The following NINL variants were observed in gnomAD, a reference collection of about 807,000 sequenced individuals.
NINL encodes the protein ninein like.
In NINL, 153 loss-of-function variants were observed where a neutral mutation model predicts 160.3. The ratio of observed to expected loss-of-function variants is 0.95; its 90% CI spans 0.84 to 1.09. The LOEUF is 1.09. Ranked by LOEUF, NINL falls within the 50% of genes least tolerant of loss-of-function variation. NINL has a pLI of 0.00. For missense variants in NINL, 1,829 were observed against 1,764.0 expected (o/e 1.04, Z -0.66); for synonymous variants, 800 against 734.8 (o/e 1.09, Z -1.43).
chr20:25,561,592 A>G (rs1203083771), intron 1 of NINL, among the ~76,000 whole-genome samples: 1 of 141,322 alleles, frequency 7.1e-6, no homozygotes, highest in Non-Finnish European at 1.5e-5. Flanking sequence ...AGTGAGGAGC[A>G]CCTCTTCCCG....
At chr20:25,473,494 T>TAAAATAAAATA (rs369224896) in intron 17 of NINL, among the ~76,000 whole-genome samples, 1 of 142,124 alleles carries the variant, frequency 7.0e-6, no homozygotes, top group African/African-American at 2.6e-5. Context: ...AATAATAAAA[T>TAAAATAAAATA]AAATAAAATA....
intron 13 of NINL, among the ~76,000 whole-genome samples, chr20:25,484,957 C>A (rs769607193): frequency 3.3e-5 from 5 of 152,168 alleles, no homozygotes; most frequent in Non-Finnish European, 5.9e-5. Flanking sequence ...CACCAGCGAG[C>A]GGGGCACAAC....
At chr20:25,526,374 GCT>G in intron 2 of NINL, 32 bp downstream of exon 2, 2 of 1,567,436 alleles carry the variant, frequency 1.3e-6, no homozygotes, top group Non-Finnish European at 1.7e-6. Context: ...TAGACCCCGT[GCT>G]TTCCTTTATG....
intron 18 of NINL, among the ~76,000 whole-genome samples, chr20:25,467,802 C>G (rs2062956251): frequency 6.6e-6 from 1 of 152,178 alleles, no homozygotes; most frequent in Non-Finnish European, 1.5e-5. Context: ...TTTTGTAAAA[C>G]ACATAACACT....
At position 25,497,803 on chromosome 20, in the gene NINL, G is replaced by C. The variant is rs562275907; in HGVS notation, c.1169+407C>G. 4.6e-5 allele frequency among the ~76,000 whole-genome samples: 7 copies of C among 152,296 alleles called. No individual in the cohort carries two copies. In the East Asian group the frequency reaches 1.4e-3, roughly 30 times the overall value. On this transcript the variant is annotated intron_variant, in intron 9 of 23. Coordinates refer to ENST00000278886, the MANE Select transcript of NINL (RefSeq NM_025176.6). The stretch of plus-strand genomic sequence containing the variant: ...CTGGCAAGCGCCTGCACCAGCATGA[G>C]GGGGGACCTCATGTCTGTCCCTTCG...
intron 16 of NINL, among the ~76,000 whole-genome samples, chr20:25,477,959 T>A (rs1290089253): frequency 1.3e-5 from 2 of 151,710 alleles, no homozygotes; most frequent in African/African-American, 4.8e-5. Flanking sequence ...TCTCACTTTT[T>A]TTTTTTTTTA....
intron 1 of NINL, among the ~76,000 whole-genome samples, chr20:25,543,969 A>G (rs2064702673): frequency 7.4e-6 from 1 of 134,358 alleles, no homozygotes; most frequent in Admixed American, 7.1e-5. Context: ...ATTTTTATAT[A>G]TAATGTAAGG....
chr20:25,526,057 T>G (rs2064352578), intron 2 of NINL, among the ~76,000 whole-genome samples: 1 of 152,232 alleles, frequency 6.6e-6, no homozygotes, highest in African/African-American at 2.4e-5. Flanking sequence ...TCTCTCTGAT[T>G]ACCAGTGTGA....
chr20:25,472,323 GGATATATATATATA>G (rs1248762308), intron 17 of NINL, among the ~76,000 whole-genome samples: 6 of 54,634 alleles, frequency 1.1e-4, no homozygotes, highest in Admixed American at 8.3e-4. Flanking sequence ...TGGGAGGAGA[GGATATATATATATA>G]TATATATATA....
At chr20:25,530,551 C>T (rs145337873) in intron 1 of NINL, among the ~76,000 whole-genome samples, 162 of 151,988 alleles carry the variant, frequency 1.1e-3, no homozygotes, top group African/African-American at 3.6e-3. Flanking sequence ...AATTCACCCC[C>T]GATATTTCAC....
At chr20:25,494,172 C>T (rs1383094474) in intron 10 of NINL, among the ~76,000 whole-genome samples, 1 of 150,520 alleles carries the variant, frequency 6.6e-6, no homozygotes, top group Non-Finnish European at 1.5e-5. Flanking sequence ...CATAGCACCA[C>T]ACAGGCCCCA....
intron 13 of NINL, among the ~76,000 whole-genome samples, chr20:25,483,829 G>A (rs1247895836): frequency 2.0e-5 from 3 of 152,246 alleles, no homozygotes; most frequent in Non-Finnish European, 4.4e-5. Context: ...CAGACCTTCA[G>A]GAAGCAGACA....
chr20:25,462,960 T>C (rs1427812180), intron 19 of NINL, among the ~76,000 whole-genome samples: 2 of 152,142 alleles, frequency 1.3e-5, no homozygotes, highest in African/African-American at 4.8e-5. Context: ...CAGCCCCACC[T>C]TGCCCCCTAA....
At chr20:25,491,115 A>G (rs428278) in intron 11 of NINL, among the ~76,000 whole-genome samples, 25,676 of 152,192 alleles carry the variant, frequency 0.17, 4,733 homozygotes, top group African/African-American at 0.46. Flanking sequence ...CCAGAGCAGA[A>G]AGTGGGAGTG....
Position 25,481,963 on chromosome 20 carries a change from C to T in NINL, c.1810+5G>A. The stretch of plus-strand genomic sequence containing the variant: ...GTCAGCCCCCTCCCAGGGACGGGCT[C>T]CTACCTGCTGGGCCGAGTCCAGGGA... On this transcript the variant is annotated splice_donor_5th_base_variant and intron_variant, in intron 14 of 23. Transcript: ENST00000278886. The T allele has an allele frequency of 6.3e-7, 1 of 1,595,704 alleles. No individual in the cohort carries two copies. The highest frequency in any genetic ancestry group is 8.5e-7 in the Non-Finnish European group (1 of 1,177,438).
At chr20:25,523,668 A>T (rs964686430) in intron 2 of NINL, among the ~76,000 whole-genome samples, 7 of 150,186 alleles carry the variant, frequency 4.7e-5, no homozygotes, top group African/African-American at 1.7e-4. Flanking sequence ...TTTGAGATGG[A>T]GTCTTGCTCT....
intron 5 of NINL, among the ~76,000 whole-genome samples, chr20:25,509,045 G>A (rs1450652726): frequency 1.3e-5 from 2 of 152,128 alleles, no homozygotes; most frequent in African/African-American, 4.8e-5. Context: ...CCTTCTCCTT[G>A]AATCTGGTAG....
intron 4 of NINL, among the ~76,000 whole-genome samples, chr20:25,512,060 C>T (rs996462027): frequency 2.0e-5 from 3 of 152,148 alleles, no homozygotes; most frequent in Admixed American, 6.5e-5. Flanking sequence ...TGAAGCCCCA[C>T]GAGACTCTGG....
At chr20:25,529,192 T>G (rs1178737249) in intron 1 of NINL, among the ~76,000 whole-genome samples, 4 of 152,118 alleles carry the variant, frequency 2.6e-5, no homozygotes, top group Non-Finnish European at 5.9e-5. Context: ...GAGGATAGCT[T>G]GAGCCCAGGA....
Sources: gnomAD v4.1 joint callset for allele counts (sites outside exome capture counted in the v4.1 genomes callset) on GRCh38, gnomAD v4.1.1 for gene constraint, MANE v1.5 for transcripts, NCBI Gene and HGNC (gene_info 2026-07-23, HGNC 2026-07-21) for gene names.